Variants in AFAP1L2 observed in about 807,000 individuals in gnomAD.
AFAP1L2 encodes the protein actin filament associated protein 1 like 2.
Under a neutral mutation model 99.3 loss-of-function variants are expected in AFAP1L2, and 46 were observed. That is an observed-to-expected ratio of 0.46 (90% CI 0.37 to 0.59). The LOEUF (loss-of-function observed/expected upper bound fraction) is 0.59, where lower values mean the gene tolerates loss of function less well. Ranked by LOEUF, AFAP1L2 falls within the 20% of genes least tolerant of loss-of-function variation. AFAP1L2 has a pLI of 0.00. For missense variants in AFAP1L2, 959 were observed against 1,034.9 expected, an observed-to-expected ratio of 0.93 and a Z score of 1.01; for synonymous variants, 397 against 419.1, an observed-to-expected ratio of 0.95 and a Z score of 0.64.
intron 1 of AFAP1L2, among the ~76,000 whole-genome samples, chr10:114,379,302 A>T (rs1246509704): frequency 6.6e-6 from 1 of 151,936 alleles, no homozygotes. Context: ...ACCATAAGAA[A>T]GCACCTGCCC....
At position 114,377,262 on chromosome 10, in the gene AFAP1L2, G is replaced by A. The variant is rs2054929497; in HGVS notation, c.16+27178C>T. Reference sequence around the variant, plus strand: ...GTGTAGCAGAAGGAATGTTTTACCAGAGTATCTGGAAAGCCTAGTAGAAAT... The same window carrying A: ...GTGTAGCAGAAGGAATGTTTTACCAAAGTATCTGGAAAGCCTAGTAGAAAT... On this transcript the variant is annotated intron_variant, in intron 1 of 18. Coordinates refer to ENST00000304129, the MANE Select transcript of AFAP1L2 (RefSeq NM_001001936.3). The surrounding 1 kb of genome is among the most constrained non-coding windows in gnomAD (Gnocchi z 4.0). Among the ~76,000 whole-genome samples, 1 of 152,232 alleles carries A rather than the reference G, an allele frequency of 6.6e-6. No individual in the cohort carries two copies. Among genetic ancestry groups the A allele is most frequent in the African/African-American group, 2.4e-5 (1 of 41,452 alleles).
rs1473407096 is a variant in AFAP1L2 at position 114,301,341 on chromosome 10, G to T, written c.1542+13C>A. 1.2e-6 allele frequency: 2 copies of T among 1,606,974 alleles called. No homozygotes were observed. The highest frequency in any genetic ancestry group is 2.7e-5 in the African/African-American group (2 of 74,792). Reference sequence around the variant, plus strand: ...CTGGAGAGGCCCAGGCCACTGCCTGGCCGGGTCCTTACCGCAGCTGTGAGC... The same window carrying T: ...CTGGAGAGGCCCAGGCCACTGCCTGTCCGGGTCCTTACCGCAGCTGTGAGC... On this transcript the variant is annotated intron_variant, in intron 13 of 18. Coordinates refer to ENST00000304129, the MANE Select transcript of AFAP1L2 (RefSeq NM_001001936.3).
At chr10:114,343,030 T>C (rs2049032499) in intron 1 of AFAP1L2, among the ~76,000 whole-genome samples, 1 of 152,206 alleles carries the variant, frequency 6.6e-6, no homozygotes, top group Non-Finnish European at 1.5e-5. Context: ...AAGAATCCCA[T>C]GGCTGAATTA....
Position 114,323,207 on chromosome 10 carries a change from A to G in AFAP1L2, c.370T>C (p.Tyr124His). 6.2e-7 allele frequency: 1 copy of G among 1,603,098 alleles called. No homozygotes were observed. The highest frequency in any genetic ancestry group is 8.5e-7 in the Non-Finnish European group (1 of 1,174,046). ...IPKTESPEGY[Y>H]EEAEPYDTSL... ...GTGTCATATGGCTCAGCCTCTTCAT[A>G]GTAGCCCTCTGGAGACTCCGTCTTT... Residue 124 changes from tyrosine to histidine, a missense_variant, in exon 5 of 19, where the codon TAT becomes CAT. Tyr to His is a moderately conservative substitution (Grantham distance 83, BLOSUM62 2). Coordinates refer to ENST00000304129, the MANE Select transcript of AFAP1L2 (RefSeq NM_001001936.3).
chr10:114,353,201 C>G (rs570044056), intron 1 of AFAP1L2, among the ~76,000 whole-genome samples: 7 of 152,280 alleles, frequency 4.6e-5, no homozygotes, highest in Middle Eastern at 3.4e-3. Flanking sequence ...GGGGGTTGAG[C>G]TGCTAGAATG....
At chr10:114,375,102 C>T (rs1184792262) in intron 1 of AFAP1L2, among the ~76,000 whole-genome samples, 1 of 152,138 alleles carries the variant, frequency 6.6e-6, no homozygotes, top group Non-Finnish European at 1.5e-5. Flanking sequence ...TCAAGCCATA[C>T]AAATGGCTTT....
intron 1 of AFAP1L2, among the ~76,000 whole-genome samples, chr10:114,402,033 C>T (rs751746544): frequency 5.3e-5 from 8 of 152,182 alleles, no homozygotes; most frequent in Non-Finnish European, 1.2e-4. Flanking sequence ...ATTTAAATAA[C>T]ACATTTAAAA....
chr10:114,286,112 C>T, the AFAP1L2 span: 1 of 1,614,130 alleles, frequency 6.2e-7, no homozygotes, highest in Non-Finnish European at 8.5e-7. Flanking sequence ...CAGCAGGGAG[C>T]TGCTGGTGGC....
the AFAP1L2 span, chr10:114,285,001 C>T: frequency 6.6e-7 from 1 of 1,510,658 alleles, no homozygotes; most frequent in Non-Finnish European, 8.9e-7. Context: ...CAAGACTGAC[C>T]ACTGGGGAGC....
chr10:114,401,532 A>G (rs567726029), intron 1 of AFAP1L2, among the ~76,000 whole-genome samples: 1 of 152,332 alleles, frequency 6.6e-6, no homozygotes, highest in South Asian at 2.1e-4. Context: ...TACAACGCCA[A>G]AGAGATTCAC....
chr10:114,327,818 G>A (rs1304235355), intron 4 of AFAP1L2, among the ~76,000 whole-genome samples: 1 of 152,232 alleles, frequency 6.6e-6, no homozygotes, highest in Non-Finnish European at 1.5e-5. Context: ...GAGCTGATGA[G>A]GGGTGGCTCA....
rs117323165 is a variant in AFAP1L2 at position 114,398,703 on chromosome 10, C to T, written c.16+5737G>A. Reference sequence around the variant, plus strand: ...TAGTGGCAAAAGCCAGATTAGAATCCCGAGCCCCTGAGTGCCCAGGCCGGT... The same window carrying T: ...TAGTGGCAAAAGCCAGATTAGAATCTCGAGCCCCTGAGTGCCCAGGCCGGT... On this transcript the variant is annotated intron_variant, in intron 1 of 18. Transcript: ENST00000304129. The T allele has an allele frequency of 6.4e-3, 3,735 of 582,840 alleles. 23 individuals are homozygous for T. Among genetic ancestry groups the T allele is most frequent in the Non-Finnish European group, 8.1e-3 (3,124 of 383,488 alleles). 36.1% of individuals were successfully genotyped at this position (582,840 alleles called of 1,614,324 possible).
the AFAP1L2 span, among the ~76,000 whole-genome samples, chr10:114,284,338 C>T: frequency 2.0e-5 from 3 of 152,192 alleles, no homozygotes; most frequent in Non-Finnish European, 2.9e-5. Context: ...AGAACAAGTT[C>T]AGTTCCCATC....
chr10:114,309,463 G>A (rs2042889408), intron 8 of AFAP1L2, among the ~76,000 whole-genome samples: 1 of 152,214 alleles, frequency 6.6e-6, no homozygotes, highest in Non-Finnish European at 1.5e-5. Context: ...GGGACCCCAA[G>A]AGGAGCCACA....
At chr10:114,371,572 A>C (rs995102498) in intron 1 of AFAP1L2, among the ~76,000 whole-genome samples, 9 of 152,156 alleles carry the variant, frequency 5.9e-5, no homozygotes, top group African/African-American at 2.2e-4. Context: ...AAGAAAACCA[A>C]ACACCGCATG....
chr10:114,392,198 C>T (rs2057237012), intron 1 of AFAP1L2, among the ~76,000 whole-genome samples: 1 of 152,016 alleles, frequency 6.6e-6, no homozygotes, highest in Admixed American at 6.5e-5. Context: ...CCAGCCTGGT[C>T]AACATAGCAA....
At chr10:114,336,127 ACCTCGGGTGG>A (rs1156245475) in intron 2 of AFAP1L2, among the ~76,000 whole-genome samples, 1 of 152,226 alleles carries the variant, frequency 6.6e-6, no homozygotes, top group Non-Finnish European at 1.5e-5. Context: ...GCATCGGCCC[ACCTCGGGTGG>A]GCTGCAGGCT....
chr10:114,305,497 G>A (rs1319542016), intron 10 of AFAP1L2, among the ~76,000 whole-genome samples: 9 of 145,676 alleles, frequency 6.2e-5, no homozygotes, highest in East Asian at 2.1e-4. Context: ...GGACGGGGCT[G>A]CAGGAGGAGA....
intron 1 of AFAP1L2, among the ~76,000 whole-genome samples, chr10:114,371,215 C>G (rs1172615344): frequency 1.3e-5 from 2 of 152,164 alleles, no homozygotes; most frequent in Non-Finnish European, 2.9e-5. Context: ...GAAATCATGC[C>G]AAACGCTTTG....
Sources: allele counts gnomAD v4.1 joint callset (sites outside exome capture counted in the v4.1 genomes callset), GRCh38; gene constraint gnomAD v4.1.1; non-coding constraint Gnocchi (gnomAD v3.1); transcripts MANE v1.5; gene names NCBI Gene and HGNC (gene_info 2026-07-23, HGNC 2026-07-21).